The following EVC variants were observed in gnomAD, a reference collection of about 807,000 sequenced individuals.
EVC encodes EvC ciliary complex subunit 1.
A neutral mutation model predicts 118.9 loss-of-function variants in EVC; 116 were observed. The observed-to-expected ratio is 0.98, with a 90% CI of 0.84 to 1.14. The LOEUF is 1.14. EVC is among the 50% of genes most tolerant of loss of function. The probability of loss-of-function intolerance (pLI) is 0.00; values close to 1 mark genes in which losing one functional copy is unlikely to be tolerated. For missense variants in EVC, 1,401 were observed against 1,246.4 expected (o/e 1.12, Z -1.87); for synonymous variants, 619 against 534.7 (o/e 1.16, Z -2.18).
At chr4:5,810,272 A>C (rs1332467860) in intron 19 of EVC, 67 bp from the exon 20 acceptor site, 9 of 1,260,684 alleles carry the variant, frequency 7.1e-6, no homozygotes, top group Non-Finnish European at 1.0e-5. Flanking sequence ...GGTTGGTGTG[A>C]GGCTGCAAGA....
chr4:5,731,640 A>G lies in EVC; in HGVS notation c.600A>G (p.Glu200=), dbSNP rs2151936092. ...RTFLRVNAFP[E]VLACESVDVD... is the part of the protein sequence containing the mutation. Reference sequence around the variant, plus strand: ...TCCTCCGGGTGAACGCCTTCCCTGAAGTGCTGGCCTGCGAGAGGTAAGGAG... The same window carrying G: ...TCCTCCGGGTGAACGCCTTCCCTGAGGTGCTGGCCTGCGAGAGGTAAGGAG... The change falls in exon 4 of 21, where the codon GAA becomes GAG. Residue 200 remains glutamate (E), a synonymous_variant. Transcript: ENST00000264956. The surrounding 1 kb of genome is among the most constrained non-coding windows in gnomAD (Gnocchi z 5.6). The G allele has an allele frequency of 6.2e-7, 1 of 1,614,020 alleles. No homozygotes were observed. Among genetic ancestry groups the G allele is most frequent in the Non-Finnish European group, 8.5e-7 (1 of 1,179,966 alleles).
the EVC span, chr4:5,824,465 T>A: frequency 1.0e-6 from 1 of 985,200 alleles, no homozygotes; most frequent in Non-Finnish European, 1.2e-6. Flanking sequence ...CACCACACAA[T>A]CTGAATTCAC....
intron 1 of EVC, among the ~76,000 whole-genome samples, chr4:5,714,537 C>T (rs114404929): frequency 1.8e-3 from 274 of 149,584 alleles, no homozygotes; most frequent in Non-Finnish European, 3.5e-3. Context: ...AGCCGTTGAC[C>T]CTCCACTGTG....
intron 17 of EVC, among the ~76,000 whole-genome samples, chr4:5,805,371 C>G (rs1413533921): frequency 6.6e-6 from 1 of 152,200 alleles, no homozygotes; most frequent in African/African-American, 2.4e-5. Flanking sequence ...CCTGGCTTCT[C>G]TGTGCCTCAC....
chr4:5,828,060 G>A, the EVC span: 1 of 985,428 alleles, frequency 1.0e-6, no homozygotes, highest in Non-Finnish European at 1.2e-6. Context: ...GATGCCAGGG[G>A]TAACACCTTG....
the EVC span, among the ~76,000 whole-genome samples, chr4:5,827,331 C>T: frequency 2.6e-5 from 4 of 152,202 alleles, no homozygotes; most frequent in African/African-American, 9.6e-5. Flanking sequence ...TGTGCCTGGC[C>T]TTGTCTCGGA....
In EVC at chr4:5,719,493, T is replaced by G; in HGVS notation, c.300+120T>G. On this transcript the variant is annotated intron_variant, in intron 2 of 20. Transcript: ENST00000264956. This position sits in a 1 kb window ranked among gnomAD's most constrained non-coding sequence, Gnocchi z 4.7. ...GATATAGTTTCCCAATGGGCTGCTT[T>G]TCTGAGGCATAATTTACATACAGTC... is the stretch of plus-strand genomic sequence containing the variant. 1 of 1,452,858 alleles carries G rather than the reference T, an allele frequency of 6.9e-7. No individual in the cohort carries two copies. The highest frequency in any genetic ancestry group is 9.6e-7 in the Non-Finnish European group (1 of 1,040,508). The allele number at this position is 1,452,858 out of a possible 1,614,324, so 90.0% of individuals were successfully genotyped here.
rs572125777 is a variant in EVC at position 5,770,329 on chromosome 4, C to T, written c.1564-13223C>T. On this transcript the variant is annotated intron_variant, in intron 11 of 20. Transcript: ENST00000264956. ...CCTAAGGCCTCCCTGCCGTAAATCACAGTGTTAGCATAGACTATCAAGGCC... is the reference window on the plus strand; with the variant it reads ...CCTAAGGCCTCCCTGCCGTAAATCATAGTGTTAGCATAGACTATCAAGGCC... Among the ~76,000 whole-genome samples the T allele has an allele frequency of 2.0e-5, 3 of 152,284 alleles. No homozygotes were observed. The South Asian group carries it at 6.2e-4, about 32-fold the overall frequency.
chr4:5,745,210 G>A lies in EVC; in HGVS notation c.808G>A (p.Glu270Lys), dbSNP rs1279239113. The A allele has an allele frequency of 1.9e-6, 3 of 1,613,530 alleles. No homozygotes were observed. The highest frequency in any genetic ancestry group is 1.3e-5 in the African/African-American group (1 of 74,806). ...TTTTCTTCTTCTTCTTCAGGATTTG[G>A]AGGAACTAGAAAAGGGACTTCAGGT... Reference protein sequence around the residue: ...KILSKQEKDLEELEKGLQVKL... With the variant: ...KILSKQEKDLKELEKGLQVKL... Residue 270 changes from glutamate (E) to lysine (K), a missense_variant, in exon 7 of 21, where the codon GAG becomes AAG. Physicochemically the swap from Glu to Lys is moderately conservative, Grantham distance 56. Transcript: ENST00000264956.
Position 5,731,380 on chromosome 4 carries a change from C to A in EVC, c.385-45C>A, listed in dbSNP as rs778316178. 7.0e-7 allele frequency: 1 copy of A among 1,429,968 alleles called. No individual in the cohort carries two copies. Among genetic ancestry groups the A allele is most frequent in the South Asian group, 1.1e-5 (1 of 87,266 alleles). 88.6% of individuals were successfully genotyped at this position (1,429,968 alleles called of 1,614,324 possible). The stretch of plus-strand genomic sequence containing the variant: ...GAATTATGAATACTAGATCAAATCC[C>A]AGAGGCATCACATGGACTGAGTGTG... On this transcript the variant is annotated intron_variant, in intron 3 of 20. Transcript: ENST00000264956. This position sits in a 1 kb window ranked among gnomAD's most constrained non-coding sequence, Gnocchi z 5.6.
rs1722976014 is a variant in EVC at position 5,711,368 on chromosome 4, C to G, written c.-13C>G. ...CGGCGGGATGCGGCGGGGCGGCAGC[C>G]TGAGCGCCCCGGATGGCCCGCGGCG... On this transcript the variant is annotated 5_prime_UTR_variant, in exon 1 of 21. Coordinates refer to ENST00000264956, the MANE Select transcript of EVC (RefSeq NM_153717.3). 9.9e-7 allele frequency: 1 copy of G among 1,009,308 alleles called. No homozygotes were observed. The highest frequency in any genetic ancestry group is 1.2e-6 in the Non-Finnish European group (1 of 847,430). 62.5% of individuals were successfully genotyped at this position (1,009,308 alleles called of 1,614,324 possible).
intron 4 of EVC, among the ~76,000 whole-genome samples, chr4:5,732,786 G>C (rs1459240556): frequency 1.3e-5 from 2 of 152,198 alleles, no homozygotes; most frequent in South Asian, 4.1e-4. Context: ...AAGGTGGGTG[G>C]ATTGCTTGAG....
At chr4:5,762,264 G>A (rs960326515) in intron 11 of EVC, among the ~76,000 whole-genome samples, 1 of 131,102 alleles carries the variant, frequency 7.6e-6, no homozygotes, top group Non-Finnish European at 1.7e-5. Flanking sequence ...GTATTCCATG[G>A]TGTATATGTG....
At chr4:5,716,037 C>T (rs375510222) in intron 1 of EVC, among the ~76,000 whole-genome samples, 6 of 152,194 alleles carry the variant, frequency 3.9e-5, no homozygotes, top group Admixed American at 6.5e-5. Flanking sequence ...CTACTGTACC[C>T]GGCCTCCATT....
At chr4:5,733,574 G>T (rs188183484) in intron 5 of EVC, 139 bp downstream of exon 5, 1 of 812,034 alleles carries the variant, frequency 1.2e-6, no homozygotes, top group African/African-American at 1.7e-5. Flanking sequence ...GGGGGAAAGC[G>T]GCGCTGTCAG....
chr4:5,745,229 T>G lies in EVC; in HGVS notation c.827T>G (p.Leu276Arg). The change falls in exon 7 of 21, where the codon CTT becomes CGT. Residue 276 changes from leucine (L) to arginine (R), a missense_variant. By Grantham distance (102) the Leu-to-Arg change is moderately radical (BLOSUM62 -2). Transcript: ENST00000264956. The stretch of plus-strand genomic sequence containing the variant: ...GATTTGGAGGAACTAGAAAAGGGAC[T>G]TCAGGTCAAACTGTCAAACACAGAA... ...EKDLEELEKG[L>R]QVKLSNTEMS... is the part of the protein sequence containing the mutation. 6.2e-7 allele frequency: 1 copy of G among 1,614,034 alleles called. No homozygotes were observed. Among genetic ancestry groups the G allele is most frequent in the Non-Finnish European group, 8.5e-7 (1 of 1,179,932 alleles).
At chr4:5,786,940 A>G (rs577407308) in intron 12 of EVC, among the ~76,000 whole-genome samples, 200 of 152,340 alleles carry the variant, frequency 1.3e-3, no homozygotes, top group Admixed American at 2.4e-3. Flanking sequence ...TCATTGATGA[A>G]AAAAAGAGAA....
At chr4:5,797,675 G>A (rs934809188) in intron 14 of EVC, among the ~76,000 whole-genome samples, 1 of 152,146 alleles carries the variant, frequency 6.6e-6, no homozygotes, top group African/African-American at 2.4e-5. Context: ...AAGTACTTGG[G>A]GTCAGGGCTT....
chr4:5,750,495 G>A (rs1730183930), intron 8 of EVC, among the ~76,000 whole-genome samples: 1 of 152,172 alleles, frequency 6.6e-6, no homozygotes, highest in African/African-American at 2.4e-5. Context: ...TATTGCAGAG[G>A]TTAGGAATGC....
Sources: gnomAD v4.1 joint callset for allele counts (sites outside exome capture counted in the v4.1 genomes callset) on GRCh38, gnomAD v4.1.1 for gene constraint, Gnocchi (gnomAD v3.1) non-coding constraint, MANE v1.5 for transcripts, NCBI Gene and HGNC (gene_info 2026-07-23, HGNC 2026-07-21) for gene names.